The following SLC39A12 variants were observed in gnomAD, a reference collection of about 807,000 sequenced individuals.
SLC39A12 encodes zinc transporter ZIP12.
Under a neutral mutation model 71.1 loss-of-function variants are expected in SLC39A12, and 63 were observed. That is an observed-to-expected ratio of 0.89 (90% confidence interval 0.72 to 1.09). The LOEUF is 1.09. Among genes scored for constraint, SLC39A12 ranks in the 50% least tolerant of loss-of-function variants. The pLI, the probability that SLC39A12 is intolerant of heterozygous loss-of-function variation, is 0.00. For missense variants in SLC39A12, 892 were observed against 812.6 expected (o/e 1.10, Z -1.19); for synonymous variants, 351 against 301.3 (o/e 1.16, Z -1.71).
At chr10:17,965,887 A>G (rs1196852815) in intron 4 of SLC39A12, among the ~76,000 whole-genome samples, 197 bp downstream of exon 4, 1 of 152,220 alleles carries the variant, frequency 6.6e-6, no homozygotes, top group East Asian at 1.9e-4. Context: ...GTGATGAGGC[A>G]AAAACATGGA....
intron 5 of SLC39A12, among the ~76,000 whole-genome samples, chr10:17,979,440 C>T (rs1835199017): frequency 6.6e-6 from 1 of 152,186 alleles, no homozygotes; most frequent in East Asian, 1.9e-4. Context: ...GTTTCTCTCT[C>T]CATTCCTTTA....
intron 12 of SLC39A12, among the ~76,000 whole-genome samples, chr10:18,014,848 G>A (rs1836331402): frequency 6.6e-6 from 1 of 152,170 alleles, no homozygotes; most frequent in Non-Finnish European, 1.5e-5. Flanking sequence ...CAAATCTGAT[G>A]CATCTACAGT....
intron 12 of SLC39A12, among the ~76,000 whole-genome samples, chr10:18,038,084 G>T (rs1589262464): frequency 7.4e-6 from 1 of 134,370 alleles, no homozygotes; most frequent in African/African-American, 3.0e-5. Context: ...TTATCATAGG[G>T]TCCATTATTT....
At chr10:18,002,893 T>C (rs1835876230) in intron 11 of SLC39A12, 1 of 274,332 alleles carries the variant, frequency 3.6e-6, no homozygotes, top group Admixed American at 4.9e-5. Context: ...TGTCAGAGGA[T>C]ATCAAGAACT....
In SLC39A12 at chr10:18,037,835, C is replaced by T. The variant is rs536449006; in HGVS notation, c.1948-4870C>T. ...AGGAGATGGAGACCATCTTGGCCAA[C>T]ATCATGAAACCCCATCTCTACTAAA... On this transcript the variant is annotated intron_variant, in intron 12 of 12. Transcript: ENST00000377369. Among the ~76,000 whole-genome samples, 63 of 151,778 alleles carry T rather than the reference C, an allele frequency of 4.2e-4. No homozygotes were observed. The East Asian group carries it at 0.012, about 29-fold the overall frequency.
rs566069880 is a variant in SLC39A12, at chr10:18,023,282, G to A, written c.1948-19423G>A. On this transcript the variant is annotated intron_variant, in intron 12 of 12. Coordinates refer to ENST00000377369, the MANE Select transcript of SLC39A12 (RefSeq NM_001145195.2). ...ATGATCAGTCCAGGGTGGAGTGGCT[G>A]CATTGCAAGCCCAAGCTGCCTGGTA... is the stretch of plus-strand genomic sequence containing the variant. 9.8e-5 allele frequency among the ~76,000 whole-genome samples: 15 copies of A among 152,338 alleles called. No individual in the cohort carries two copies. The South Asian group carries it at 2.3e-3, about 23-fold the overall frequency.
intron 10 of SLC39A12, among the ~76,000 whole-genome samples, chr10:17,997,022 C>CAAAAAAAAAAA (rs71924913): frequency 8.7e-6 from 1 of 115,510 alleles, no homozygotes; most frequent in Admixed American, 9.2e-5. Flanking sequence ...GACTCCGTCT[C>CAAAAAAAAAAA]AAAAAAAAAA....
At chr10:18,028,102 C>T (rs752647659) in intron 12 of SLC39A12, among the ~76,000 whole-genome samples, 3 of 152,324 alleles carry the variant, frequency 2.0e-5, no homozygotes, top group Admixed American at 6.5e-5. Context: ...AGATGTTGTA[C>T]ATCAGTTAAG....
intron 9 of SLC39A12, among the ~76,000 whole-genome samples, chr10:17,994,313 T>C (rs1488403778): frequency 6.6e-6 from 1 of 152,204 alleles, no homozygotes; most frequent in Non-Finnish European, 1.5e-5. Context: ...ATAATTCCTC[T>C]TGTTATTTAA....
chr10:18,023,969 T>G (rs1341257641), intron 12 of SLC39A12, among the ~76,000 whole-genome samples: 2 of 152,112 alleles, frequency 1.3e-5, no homozygotes, highest in East Asian at 3.9e-4. Flanking sequence ...CTGCAAGTCT[T>G]AGACCCTTTG....
rs143087696 is a variant in SLC39A12, at chr10:17,972,772, AT to A, written c.752-5120del. ...TTATAGGCAATAGATCAATGGTCTTATTTTTTTTTTATCTATTCTGCTAGTC... is the reference window on the plus strand; with the variant it reads ...TTATAGGCAATAGATCAATGGTCTTATTTTTTTTTATCTATTCTGCTAGTC... On this transcript the variant is annotated intron_variant, in intron 4 of 12. Transcript: ENST00000377369. Among the ~76,000 whole-genome samples, 403 of 146,990 alleles carry A rather than the reference AT, an allele frequency of 2.7e-3. 3 individuals carry two copies. Among genetic ancestry groups the A allele is most frequent in the African/African-American group, 7.9e-3 (316 of 40,220 alleles).
chr10:18,036,357 G>A (rs556458104), intron 12 of SLC39A12, among the ~76,000 whole-genome samples: 140 of 152,226 alleles, frequency 9.2e-4, no homozygotes, highest in Admixed American at 2.5e-3. Context: ...GTGGTGCGCC[G>A]TTTTTTTAAG....
At chr10:18,019,683 G>C (rs957206150) in intron 12 of SLC39A12, among the ~76,000 whole-genome samples, 1 of 151,966 alleles carries the variant, frequency 6.6e-6, no homozygotes, top group African/African-American at 2.4e-5. Context: ...TTAGAGGTAT[G>C]TTATTTAATC....
At chr10:18,009,212 G>T (rs767381748) in intron 12 of SLC39A12, among the ~76,000 whole-genome samples, 4 of 152,026 alleles carry the variant, frequency 2.6e-5, no homozygotes, top group African/African-American at 9.7e-5. Flanking sequence ...ACCTCAAGGG[G>T]CTATCACTGT....
chr10:17,963,786 G>A (rs1834753130), intron 3 of SLC39A12, among the ~76,000 whole-genome samples: 3 of 152,140 alleles, frequency 2.0e-5, no homozygotes, highest in Non-Finnish European at 4.4e-5. Flanking sequence ...GTCTTGGTCT[G>A]CACGGGACCC....
intron 12 of SLC39A12, among the ~76,000 whole-genome samples, chr10:18,020,825 C>A (rs1285112379): frequency 2.0e-5 from 3 of 151,742 alleles, no homozygotes; most frequent in African/African-American, 7.3e-5. Context: ...CCATTTGTTT[C>A]TTGCTTGTTA....
At chr10:17,983,168 CAAAAAAAAAAAAAA>C (rs59513976) in intron 6 of SLC39A12, among the ~76,000 whole-genome samples, 3 of 60,596 alleles carry the variant, frequency 5.0e-5, no homozygotes, top group Non-Finnish European at 9.2e-5. Context: ...GACTCCATCT[CAAAAAAAAAAAAAA>C]AAAAAAAAAA....
At position 18,043,183 on chromosome 10, in the gene SLC39A12, A is replaced by G. The variant is rs1935502; in HGVS notation, c.*350A>G. On this transcript the variant is annotated 3_prime_UTR_variant, in exon 13 of 13. Coordinates refer to ENST00000377369, the MANE Select transcript of SLC39A12 (RefSeq NM_001145195.2). The stretch of plus-strand genomic sequence containing the variant: ...TTTAAAGTGGACAGATGCCTGTTGG[A>G]GTAAAATCAACTGCAACTTTTTGAT... 0.77 allele frequency: 118,859 copies of G among 155,296 alleles called. 46,394 individuals are homozygous for G. Among genetic ancestry groups the G allele is most frequent in the African/African-American group, 0.91 (37,938 of 41,630 alleles). 9.6% of individuals were successfully genotyped at this position (155,296 alleles called of 1,614,324 possible).
At chr10:18,037,359 C>T (rs147811627) in intron 12 of SLC39A12, among the ~76,000 whole-genome samples, 410 of 152,188 alleles carry the variant, frequency 2.7e-3, no homozygotes, top group African/African-American at 9.4e-3. Context: ...TAGACCAATT[C>T]GCCCTTGGTC....
Sources: gnomAD v4.1 joint callset for allele counts (sites outside exome capture counted in the v4.1 genomes callset) on GRCh38, gnomAD v4.1.1 for gene constraint, MANE v1.5 for transcripts, NCBI Gene and HGNC (gene_info 2026-07-23, HGNC 2026-07-21) for gene names.